The following OR10G7 variants were observed in gnomAD, a reference collection of about 807,000 sequenced individuals.
The protein encoded by OR10G7 is olfactory receptor family 10 subfamily G member 7, also known as olfactory receptor 10G7.
For missense variants in OR10G7, 338 were observed against 382.1 expected, an observed-to-expected ratio of 0.88 and a Z score of 0.96; for synonymous variants, 165 against 167.4, an observed-to-expected ratio of 0.99 and a Z score of 0.11.
In OR10G7 at chr11:124,038,041, G is replaced by A; in HGVS notation, c.*25C>T. 6.8e-7 allele frequency: 1 copy of A among 1,477,824 alleles called. No individual in the cohort carries two copies. The highest frequency in any genetic ancestry group is 1.3e-5 in the South Asian group (1 of 75,742). The allele number at this position is 1,477,824 out of a possible 1,614,324, so 91.5% of individuals were successfully genotyped here. A position where few individuals can be genotyped will look rare whatever the true frequency, so the allele number is the denominator to read the frequency against. On this transcript the variant is annotated 3_prime_UTR_variant, in exon 2 of 2. Transcript: ENST00000641585. ...TTTAATTACAAATAAAAAAAGAAAAGTTAGCCATATATGGCCTTTCTTAAC... is the reference window on the plus strand; with the variant it reads ...TTTAATTACAAATAAAAAAAGAAAAATTAGCCATATATGGCCTTTCTTAAC...
chr11:124,040,619 A>G (rs1415303029), intron 1 of OR10G7, among the ~76,000 whole-genome samples: 1 of 152,060 alleles, frequency 6.6e-6, no homozygotes, highest in Non-Finnish European at 1.5e-5. Context: ...TTCAGCTGCA[A>G]CTGAGTTGGA....
rs148603378 is a variant in OR10G7 at position 124,038,235 on chromosome 11, A to G, written c.767T>C (p.Phe256Ser). Residue 256 changes from phenylalanine (F) to serine (S), a missense_variant, in exon 2 of 2, where the codon TTC (phenylalanine) becomes TCC (serine). Coordinates refer to ENST00000641585, the MANE Select transcript of OR10G7 (RefSeq NM_001004463.2). Reference protein sequence around the residue: ...VVLCFFGPGLFIYLRPGSRDA... With the variant: ...VVLCFFGPGLSIYLRPGSRDA... ...CCTGGAGCCTGGCCTCAGGTAAATG[A>G]AAAGACCAGGGCCAAAGAAGCAAAG... 1,011 of 1,614,136 alleles carry G rather than the reference A, an allele frequency of 6.3e-4. 1 individual carries two copies. Among genetic ancestry groups the G allele is most frequent in the Middle Eastern group, 5.4e-3 (33 of 6,062 alleles).
intron 1 of OR10G7, among the ~76,000 whole-genome samples, chr11:124,040,478 G>A (rs957056782): frequency 6.6e-6 from 1 of 151,922 alleles, no homozygotes; most frequent in African/African-American, 2.4e-5. Context: ...AGGAAACGTG[G>A]TTGAAGACCT....
At position 124,037,282 on chromosome 11, in the gene OR10G7, T is replaced by C. The variant is rs1864199756; in HGVS notation, c.*784A>G. 1 of 152,218 alleles carries C rather than the reference T, an allele frequency of 6.6e-6. No homozygotes were observed. Among genetic ancestry groups the C allele is most frequent in the African/African-American group, 2.4e-5 (1 of 41,456 alleles). The allele number at this position is 152,218 out of a possible 1,614,324, so 9.4% of individuals were successfully genotyped here. A position where few individuals can be genotyped will look rare whatever the true frequency, so the allele number is the denominator to read the frequency against. ...CTTAACAGTTTTTGACTGCATATTT[T>C]TGTCTCTAAGATTATTTGATCATTT... On this transcript the variant is annotated 3_prime_UTR_variant, in exon 2 of 2. Transcript: ENST00000641585.
chr11:124,038,965 T>A lies in OR10G7; in HGVS notation c.37A>T (p.Thr13Ser), dbSNP rs1276551248. ...NATLLTAFIL[T>S]GLPHAPGLDA... Reference sequence around the variant, plus strand: ...AGCCCTGGGGCATGGGGAAGGCCCGTGAGGATGAACGCTGTCAGTAGGGTG... The same window carrying A: ...AGCCCTGGGGCATGGGGAAGGCCCGAGAGGATGAACGCTGTCAGTAGGGTG... The change falls in exon 2 of 2, where the codon ACG (threonine) becomes TCG (serine). Residue 13 changes from threonine (T) to serine (S), a missense_variant. Physicochemically the swap from Thr to Ser is moderately conservative, Grantham distance 58. Coordinates refer to ENST00000641585, the MANE Select transcript of OR10G7 (RefSeq NM_001004463.2). The A allele has an allele frequency of 3.7e-6, 6 of 1,613,348 alleles. No individual in the cohort carries two copies. The highest frequency in any genetic ancestry group is 5.1e-6 in the Non-Finnish European group (6 of 1,179,554).
At position 124,036,788 on chromosome 11, in the gene OR10G7, G is replaced by A. The variant is rs1046354337; in HGVS notation, c.*1278C>T. ...TTCATGCTTCATGTACTGTGTCATG[G>A]TTTATGTAGCTCATGCTTACCAAGT... On this transcript the variant is annotated 3_prime_UTR_variant, in exon 2 of 2. Transcript: ENST00000641585. 14 of 152,124 alleles carry A rather than the reference G, an allele frequency of 9.2e-5. No homozygotes were observed. Among genetic ancestry groups the A allele is most frequent in the Non-Finnish European group, 1.8e-4 (12 of 68,014 alleles). The allele number at this position is 152,124 out of a possible 1,614,324, so 9.4% of individuals were successfully genotyped here. A position where few individuals can be genotyped will look rare whatever the true frequency, so the allele number is the denominator to read the frequency against.
At position 124,040,896 on chromosome 11, in the gene OR10G7, A is replaced by G. The variant is rs1049251520; in HGVS notation, c.-31T>C. 3 of 152,156 alleles carry G rather than the reference A, an allele frequency of 2.0e-5. No individual in the cohort carries two copies. The highest frequency in any genetic ancestry group is 4.8e-5 in the African/African-American group (2 of 41,410). 9.4% of individuals were successfully genotyped at this position (152,156 alleles called of 1,614,324 possible). A position where few individuals can be genotyped will look rare whatever the true frequency, so the allele number is the denominator to read the frequency against. On this transcript the variant is annotated 5_prime_UTR_variant, in exon 1 of 2. Coordinates refer to ENST00000641585, the MANE Select transcript of OR10G7 (RefSeq NM_001004463.2). ...ATTTTTGCTACTTACCAATTTTACA[A>G]CTAGGTTTTGGATCATGAAGCAAAA...
intron 1 of OR10G7, among the ~76,000 whole-genome samples, chr11:124,040,095 A>T (rs943813799): frequency 6.6e-6 from 1 of 152,052 alleles, no homozygotes; most frequent in African/African-American, 2.4e-5. Context: ...GTCTCTTTCT[A>T]TTTATACATT....
Position 124,038,006 on chromosome 11 carries a change from G to T in OR10G7, c.*60C>A. 1 of 1,096,742 alleles carries T rather than the reference G, an allele frequency of 9.1e-7. No homozygotes were observed. Among genetic ancestry groups the T allele is most frequent in the South Asian group, 1.7e-5 (1 of 59,524 alleles). The allele number at this position is 1,096,742 out of a possible 1,614,324, so 67.9% of individuals were successfully genotyped here. On this transcript the variant is annotated 3_prime_UTR_variant, in exon 2 of 2. Coordinates refer to ENST00000641585, the MANE Select transcript of OR10G7 (RefSeq NM_001004463.2). ...TCCATTCAAGTATAATGCTTATGTT[G>T]AAGGTTTAATTTAATTACAAATAAA...
rs780871212 is a variant in OR10G7 at position 124,038,100 on chromosome 11, A to C, written c.902T>G (p.Leu301Arg). The C allele has an allele frequency of 6.2e-7, 1 of 1,612,256 alleles. No homozygotes were observed. Among genetic ancestry groups the C allele is most frequent in the Admixed American group, 1.7e-5 (1 of 59,530 alleles). ...NKEVKKALLK[L>R]KNGSVFAQGE ...CTGAGCAAATACTGACCCATTTTTC[A>C]GCTTCAACAGAGCTTTCTTTACCTC... The change falls in exon 2 of 2, where the codon CTG becomes CGG. Residue 301 changes from leucine to arginine, a missense_variant. Leu to Arg is a moderately radical substitution (Grantham distance 102). Coordinates refer to ENST00000641585, the MANE Select transcript of OR10G7 (RefSeq NM_001004463.2).
rs1439764712 is a variant in OR10G7, at chr11:124,038,856, A to G, written c.146T>C (p.Val49Ala). 2 of 1,613,630 alleles carry G rather than the reference A, an allele frequency of 1.2e-6. No individual in the cohort carries two copies. The highest frequency in any genetic ancestry group is 3.3e-4 in the Middle Eastern group (2 of 6,054). ...CATGGGGGTGTGGAGGTGAGAATCC[A>G]CCCTGATCACCAGCAGGATGAGGAG... is the stretch of plus-strand genomic sequence containing the variant. Reference protein sequence around the residue: ...GNLLILLVIRVDSHLHTPMYY... With the variant: ...GNLLILLVIRADSHLHTPMYY... The change falls in exon 2 of 2, where the codon GTG (valine) becomes GCG (alanine). Residue 49 changes from valine (V) to alanine (A), a missense_variant. Val to Ala is a moderately conservative substitution (Grantham distance 64). Coordinates refer to ENST00000641585, the MANE Select transcript of OR10G7 (RefSeq NM_001004463.2).
rs201535662 is a variant in OR10G7, at chr11:124,038,654, G to T, written c.348C>A (p.Val116=). Residue 116 remains valine, a synonymous_variant, in exon 2 of 2, where the codon GTC becomes GTA. Coordinates refer to ENST00000641585, the MANE Select transcript of OR10G7 (RefSeq NM_001004463.2). ...TGGCCAGGTAGCGATCATAGGACAT[G>T]ACTGTGTAGAGGAAACACTCGGTGC... The part of the protein sequence containing the change: ...LGSTECFLYT[V]MSYDRYLAIS... The T allele has an allele frequency of 5.0e-6, 8 of 1,613,994 alleles. No homozygotes were observed. Among genetic ancestry groups the T allele is most frequent in the Non-Finnish European group, 6.8e-6 (8 of 1,179,986 alleles).
In OR10G7 at chr11:124,036,855, G is replaced by A. The variant is rs964593035; in HGVS notation, c.*1211C>T. ...TCAATATCACCGCACAGTTTACTTG[G>A]AGCAAGATATGGAAAGTTGGCACAA... On this transcript the variant is annotated 3_prime_UTR_variant, in exon 2 of 2. Transcript: ENST00000641585. The A allele has an allele frequency of 6.6e-6, 1 of 152,104 alleles. No homozygotes were observed. Among genetic ancestry groups the A allele is most frequent in the Non-Finnish European group, 1.5e-5 (1 of 68,006 alleles). 9.4% of individuals were successfully genotyped at this position (152,104 alleles called of 1,614,324 possible).
rs762354366 is a variant in OR10G7 at position 124,038,711 on chromosome 11, C to T, written c.291G>A (p.Val97=). 23 of 1,613,868 alleles carry T rather than the reference C, an allele frequency of 1.4e-5. No individual in the cohort carries two copies. Among genetic ancestry groups the T allele is most frequent in the Non-Finnish European group, 1.7e-5 (20 of 1,180,030 alleles). Residue 97 remains valine, a synonymous_variant, in exon 2 of 2, where the codon GTG becomes GTA. Coordinates refer to ENST00000641585, the MANE Select transcript of OR10G7 (RefSeq NM_001004463.2). ...SGRTISFHSC[V]AQLYFFHFLG... ...GGAAGTGGAAAAAATAGAGCTGAGC[C>T]ACGCAGCTGTGGAAGGAGATAGTCC...
Position 124,038,444 on chromosome 11 carries a change from C to T in OR10G7, c.558G>A (p.Leu186=). Residue 186 remains leucine, a synonymous_variant, in exon 2 of 2, where the codon CTG becomes CTA. Transcript: ENST00000641585. ...YFCDAPPILK[L]ACADTSANEM... ...CGTTGGCTGAGGTGTCTGCACAGGC[C>T]AGTTTCAGGATGGGCGGTGCGTCAC... 1 of 1,613,850 alleles carries T rather than the reference C, an allele frequency of 6.2e-7. No individual in the cohort carries two copies. Among genetic ancestry groups the T allele is most frequent in the Non-Finnish European group, 8.5e-7 (1 of 1,179,864 alleles).
rs1010270886 is a variant in OR10G7 at position 124,037,254 on chromosome 11, A to G, written c.*812T>C. 3.0e-4 allele frequency: 45 copies of G among 152,052 alleles called. 1 individual carries two copies. Among genetic ancestry groups the G allele is most frequent in the Non-Finnish European group, 1.5e-5 (1 of 68,006 alleles). The allele number at this position is 152,052 out of a possible 1,614,324, so 9.4% of individuals were successfully genotyped here. A position where few individuals can be genotyped will look rare whatever the true frequency, so the allele number is the denominator to read the frequency against. On this transcript the variant is annotated 3_prime_UTR_variant, in exon 2 of 2. Coordinates refer to ENST00000641585, the MANE Select transcript of OR10G7 (RefSeq NM_001004463.2). ...AGTACTTTATTCTAAATTAAGGGATACTCTTAACAGTTTTTGACTGCATAT... is the reference window on the plus strand; with the variant it reads ...AGTACTTTATTCTAAATTAAGGGATGCTCTTAACAGTTTTTGACTGCATAT...
rs1032068353 is a variant in OR10G7 at position 124,038,398 on chromosome 11, T to C, written c.604A>G (p.Ile202Val). ...SANEMVIFVN[I>V]GLVASGCFVL... ...AAGCAGCCCGAGGCCACTAGCCCAA[T>C]ATTCACAAAGATGACCATCTCGTTG... The change falls in exon 2 of 2, where the codon ATT (isoleucine) becomes GTT (valine). Residue 202 changes from isoleucine (I) to valine (V), a missense_variant. Coordinates refer to ENST00000641585, the MANE Select transcript of OR10G7 (RefSeq NM_001004463.2). The C allele has an allele frequency of 1.9e-6, 3 of 1,613,966 alleles. No homozygotes were observed. The highest frequency in any genetic ancestry group is 1.7e-6 in the Non-Finnish European group (2 of 1,179,966).
intron 1 of OR10G7, among the ~76,000 whole-genome samples, chr11:124,040,196 C>A (rs559450583): frequency 6.6e-6 from 1 of 152,138 alleles, no homozygotes; most frequent in Admixed American, 6.5e-5. Context: ...TTTGAGATAG[C>A]CAAGAAGAAT....
In OR10G7 at chr11:124,037,237, A is replaced by G. The variant is rs1864199256; in HGVS notation, c.*829T>C. ...CATGGGAAATATTATCTAGTACTTTATTCTAAATTAAGGGATACTCTTAAC... is the reference window on the plus strand; with the variant it reads ...CATGGGAAATATTATCTAGTACTTTGTTCTAAATTAAGGGATACTCTTAAC... On this transcript the variant is annotated 3_prime_UTR_variant, in exon 2 of 2. Coordinates refer to ENST00000641585, the MANE Select transcript of OR10G7 (RefSeq NM_001004463.2). 1 of 152,162 alleles carries G rather than the reference A, an allele frequency of 6.6e-6. No homozygotes were observed. Among genetic ancestry groups the G allele is most frequent in the Admixed American group, 6.6e-5 (1 of 15,266 alleles). The allele number at this position is 152,162 out of a possible 1,614,324, so 9.4% of individuals were successfully genotyped here. A position where few individuals can be genotyped will look rare whatever the true frequency, so the allele number is the denominator to read the frequency against.
Sources: allele counts gnomAD v4.1 joint callset (sites outside exome capture counted in the v4.1 genomes callset), GRCh38; gene constraint gnomAD v4.1.1; transcripts MANE v1.5; gene names NCBI Gene and HGNC (gene_info 2026-07-23, HGNC 2026-07-21).